YTHDC2: variants seen among roughly 807,000 people sequenced by gnomAD.
YTHDC2 encodes YTH N6-methyladenosine RNA binding protein C2.
A neutral mutation model predicts 174.9 loss-of-function variants in YTHDC2; 45 were observed. The ratio of observed to expected loss-of-function variants is 0.26; its 90% CI spans 0.20 to 0.33. YTHDC2 has a LOEUF of 0.33. Ranked by LOEUF, YTHDC2 falls within the 10% of genes least tolerant of loss-of-function variation. The probability of loss-of-function intolerance (pLI) is 1.00; values close to 1 mark genes in which losing one functional copy is unlikely to be tolerated. For missense variants in YTHDC2, 1,650 were observed against 1,723.7 expected (o/e 0.96, Z 0.76); for synonymous variants, 657 against 574.5 (o/e 1.14, Z -2.05).
At position 113,591,255 on chromosome 5, in the gene YTHDC2, C is replaced by G. The variant is rs1778989625; in HGVS notation, c.4029+11C>G. ...TCTGGACATTTCCAGGTGAGCCACC[C>G]TGAATCAGTAAAATGGGGTTGTTCT... On this transcript the variant is annotated intron_variant, in intron 27 of 29. Transcript: ENST00000161863. 10 of 1,613,296 alleles carry G rather than the reference C, an allele frequency of 6.2e-6. No homozygotes were observed. The highest frequency in any genetic ancestry group is 8.5e-6 in the Non-Finnish European group (10 of 1,179,484).
chr5:113,515,916 A>AT (rs1773390417), intron 2 of YTHDC2, among the ~76,000 whole-genome samples: 1 of 152,196 alleles, frequency 6.6e-6, no homozygotes, highest in African/African-American at 2.4e-5. Context: ...TGCTGTCTCT[A>AT]TTAAGAGTCT....
At chr5:113,582,223 A>G (rs1430817881) in intron 25 of YTHDC2, 1 of 152,212 alleles carries the variant, frequency 6.6e-6, no homozygotes, top group South Asian at 2.1e-4. Flanking sequence ...AGTGTACAAA[A>G]CAGGTAAGAT....
At chr5:113,570,774 C>G (rs1013602243) in intron 23 of YTHDC2, among the ~76,000 whole-genome samples, 1 of 152,056 alleles carries the variant, frequency 6.6e-6, no homozygotes, top group Non-Finnish European at 1.5e-5. Flanking sequence ...CCTCAGCCTC[C>G]GGAGTAGCTG....
At chr5:113,552,057 A>G (rs947625812) in intron 12 of YTHDC2, among the ~76,000 whole-genome samples, 1 of 152,164 alleles carries the variant, frequency 6.6e-6, no homozygotes, top group East Asian at 1.9e-4. Flanking sequence ...GTACCTACTG[A>G]GTTTTTTAAA....
At chr5:113,534,792 A>T (rs80063640) in intron 6 of YTHDC2, among the ~76,000 whole-genome samples, 1 of 152,144 alleles carries the variant, frequency 6.6e-6, no homozygotes, top group Non-Finnish European at 1.5e-5. Context: ...ATATTTCCCA[A>T]TGATAGGGGT....
At chr5:113,531,289 G>T (rs528727979) in intron 4 of YTHDC2, among the ~76,000 whole-genome samples, 4 of 152,132 alleles carry the variant, frequency 2.6e-5, no homozygotes, top group Non-Finnish European at 5.9e-5. Context: ...TGTCAGTTAG[G>T]CTGAGGGGCT....
At chr5:113,574,534 T>A (rs2112765981) in intron 23 of YTHDC2, among the ~76,000 whole-genome samples, 1 of 152,258 alleles carries the variant, frequency 6.6e-6, no homozygotes, top group Non-Finnish European at 1.5e-5. Flanking sequence ...AGACTGCCTG[T>A]ATAGCCATCA....
chr5:113,543,126 A>G (rs1775602601), intron 10 of YTHDC2, among the ~76,000 whole-genome samples: 1 of 152,162 alleles, frequency 6.6e-6, no homozygotes, highest in South Asian at 2.1e-4. Context: ...TCTATTTTAA[A>G]TGACCCCTAA....
chr5:113,524,857 C>G (rs1380100595), intron 2 of YTHDC2, 124 bp from the exon 3 acceptor site: 2 of 725,002 alleles, frequency 2.8e-6, no homozygotes, highest in Non-Finnish European at 4.1e-6. Context: ...CTTTCAGCAT[C>G]TTCTCCCAAA....
chr5:113,583,334 AAAAAC>A (rs746885764), intron 25 of YTHDC2: 1 of 152,216 alleles, frequency 6.6e-6, no homozygotes, highest in Non-Finnish European at 1.5e-5. Flanking sequence ...GCAGGAAAGA[AAAAAC>A]AAAATAATGT....
At chr5:113,557,584 A>G (rs1776697279) in intron 17 of YTHDC2, among the ~76,000 whole-genome samples, 1 of 152,286 alleles carries the variant, frequency 6.6e-6, no homozygotes, top group East Asian at 1.9e-4. Flanking sequence ...ACTTGAGTCT[A>G]AGAGTCTGAG....
chr5:113,550,419 T>TA (rs1229450230), intron 12 of YTHDC2, among the ~76,000 whole-genome samples: 2 of 152,054 alleles, frequency 1.3e-5, no homozygotes. Flanking sequence ...AACAAAAAGT[T>TA]ACACAAGAAA....
intron 23 of YTHDC2, among the ~76,000 whole-genome samples, chr5:113,569,531 G>A (rs1212375063): frequency 2.6e-5 from 4 of 152,156 alleles, no homozygotes; most frequent in Non-Finnish European, 5.9e-5. Flanking sequence ...GAAGGTGTTA[G>A]GAAGGGGCCC....
intron 23 of YTHDC2, among the ~76,000 whole-genome samples, chr5:113,575,819 A>G (rs556692149): frequency 5.2e-4 from 79 of 152,314 alleles, no homozygotes; most frequent in South Asian, 4.3e-3. Flanking sequence ...GAGTGGAGGC[A>G]GGTAGGAGGC....
chr5:113,553,520 T>C lies in YTHDC2; in HGVS notation c.1868-70T>C. On this transcript the variant is annotated intron_variant, in intron 13 of 29. Coordinates refer to ENST00000161863, the MANE Select transcript of YTHDC2 (RefSeq NM_022828.5). The stretch of plus-strand genomic sequence containing the variant: ...AGTACTTGAAAACATGTGATACAGA[T>C]TTTTATAATTCTGTTGATTGCCTCT... The C allele has an allele frequency of 1.3e-6, 2 of 1,536,112 alleles. 1 individual carries two copies. Among genetic ancestry groups the C allele is most frequent in the South Asian group, 2.3e-5 (2 of 86,002 alleles).
At chr5:113,582,852 A>G (rs1778477787) in intron 25 of YTHDC2, 1 of 152,190 alleles carries the variant, frequency 6.6e-6, no homozygotes, top group African/African-American at 2.4e-5. Flanking sequence ...TAATTTAACC[A>G]GTTTCCAAGG....
At chr5:113,560,932 T>C in intron 17 of YTHDC2, 148 bp from the exon 18 acceptor site, 1 of 593,156 alleles carries the variant, frequency 1.7e-6, no homozygotes, top group Non-Finnish European at 2.6e-6. Context: ...TCCAAAATGA[T>C]TGATAAGAGG....
Position 113,515,287 on chromosome 5 carries a change from C to CT in YTHDC2, c.205dup (p.Ser69PhefsTer6), listed in dbSNP as rs1187278861. The CT allele has an allele frequency of 6.2e-7, 1 of 1,600,990 alleles. No homozygotes were observed. The highest frequency in any genetic ancestry group is 8.5e-7 in the Non-Finnish European group (1 of 1,175,550). On this transcript the variant is annotated frameshift_variant, in exon 2 of 30. Transcript: ENST00000161863. LOFTEE classifies it high-confidence loss of function. ...TTCCGTGTAGAAATGGAATTTCCTT[C>CT]TTCTTTGACCAGTACTGAAAGAGCC...
chr5:113,589,408 A>AAAT (rs368975720), intron 26 of YTHDC2, among the ~76,000 whole-genome samples: 2,743 of 123,066 alleles, frequency 0.022, 52 homozygotes, highest in East Asian at 0.038. Context: ...AAAAAAAAAA[A>AAAT]ATATATATAT....
Sources: gnomAD v4.1 joint callset for allele counts (sites outside exome capture counted in the v4.1 genomes callset) on GRCh38, gnomAD v4.1.1 for gene constraint, MANE v1.5 for transcripts, NCBI Gene and HGNC (gene_info 2026-07-23, HGNC 2026-07-21) for gene names.